Variants in CCDC82 observed in about 807,000 individuals in gnomAD.
The protein encoded by CCDC82 is coiled-coil domain-containing protein 82.
CCDC82 carries 47 observed loss-of-function variants against 60.6 expected under a neutral mutation model. The observed-to-expected ratio is 0.77, with a 90% CI of 0.61 to 0.99. The LOEUF (loss-of-function observed/expected upper bound fraction) is 0.99. Ranked by LOEUF, CCDC82 falls within the 50% of genes least tolerant of loss-of-function variation. CCDC82 has a pLI of 0.00. For synonymous variants in CCDC82, 212 were observed against 207.4 expected (o/e 1.02, Z -0.19); for missense variants, 588 against 633.0 (o/e 0.93, Z 0.76).
chr11:96,356,580 G>A, intron 9 of CCDC82: 1 of 984,676 alleles, frequency 1.0e-6, no homozygotes, highest in South Asian at 4.7e-5. Flanking sequence ...ATATTCGTTA[G>A]AATTTTGCCA....
intron 7 of CCDC82, among the ~76,000 whole-genome samples, chr11:96,368,009 C>A (rs1368646004): frequency 6.6e-6 from 1 of 151,754 alleles, no homozygotes; most frequent in Non-Finnish European, 1.5e-5. Flanking sequence ...TTAGTAGATA[C>A]GGGGTTTCAC....
chr11:96,389,552 TG>T (rs1245498721), intron 1 of CCDC82: 2 of 151,054 alleles, frequency 1.3e-5, no homozygotes, highest in African/African-American at 4.9e-5. Context: ...TACAAGGGTC[TG>T]GAAAGGCCAG....
chr11:96,383,343 T>A lies in CCDC82; in HGVS notation c.917A>T (p.Asp306Val). ...DDFVVQDEEG[D>V]EENKNQQGEK... ...TCCTTGTTGGTTTTTATTCTCTTCA[T>A]CACCCTCCTCATCTTGCACTACAAA... Residue 306 changes from aspartate (D) to valine (V), a missense_variant, in exon 5 of 10, where the codon GAT becomes GTT. Transcript: ENST00000646818. 6.2e-7 allele frequency: 1 copy of A among 1,607,158 alleles called. No individual in the cohort carries two copies. The highest frequency in any genetic ancestry group is 8.5e-7 in the Non-Finnish European group (1 of 1,175,534).
chr11:96,376,671 G>A (rs113893380), intron 5 of CCDC82, among the ~76,000 whole-genome samples: 3,489 of 151,952 alleles, frequency 0.023, 129 homozygotes, highest in African/African-American at 0.08. Context: ...CAGGTGATCC[G>A]CCCTCCTCAG....
chr11:96,379,779 A>G (rs567836620), intron 5 of CCDC82, among the ~76,000 whole-genome samples: 1 of 151,932 alleles, frequency 6.6e-6, no homozygotes, highest in African/African-American at 2.4e-5. Flanking sequence ...TCTGATAACA[A>G]TCTTCAATAA....
chr11:96,373,525 C>G, intron 5 of CCDC82, 58 bp from the exon 6 acceptor site: 1 of 998,376 alleles, frequency 1.0e-6, no homozygotes. Flanking sequence ...TTCTTGAATA[C>G]AATAGGTTCC....
chr11:96,358,666 CAA>C (rs58477850), intron 9 of CCDC82: 62,871 of 1,054,208 alleles, frequency 0.06, no homozygotes, highest in Middle Eastern at 0.08. Context: ...TATACTCTGT[CAA>C]AAAAAAAAAA....
chr11:96,383,998 T>A lies in CCDC82; in HGVS notation c.750A>T (p.Arg250Ser). 2 of 1,613,186 alleles carry A rather than the reference T, an allele frequency of 1.2e-6. No individual in the cohort carries two copies. The highest frequency in any genetic ancestry group is 1.7e-6 in the Non-Finnish European group (2 of 1,179,534). The change falls in exon 4 of 10, where the codon AGA becomes AGT. Residue 250 changes from arginine to serine, a missense_variant. Coordinates refer to ENST00000646818, the MANE Select transcript of CCDC82 (RefSeq NM_024725.4). ...TACCACTACTGCGTCTCTGACGAGA[T>A]CTTTGTTTTGAGAGTTCTTTGAGCT... ...LQKLKELSKQ[R>S]SRQRRSSGRD...
At chr11:96,359,268 T>G (rs971514368) in intron 8 of CCDC82, 90 bp from the exon 9 acceptor site, 24 of 986,696 alleles carry the variant, frequency 2.4e-5, no homozygotes, top group Non-Finnish European at 3.3e-5. Context: ...TCAAAATGCA[T>G]TATTAACTTC....
At chr11:96,365,233 G>C in intron 7 of CCDC82, 83 bp from the exon 8 acceptor site, 1 of 906,900 alleles carries the variant, frequency 1.1e-6, no homozygotes. Context: ...AAACATCTTA[G>C]GGATTACAAT....
At chr11:96,371,658 A>T (rs1865283692) in intron 6 of CCDC82, among the ~76,000 whole-genome samples, 1 of 152,262 alleles carries the variant, frequency 6.6e-6, no homozygotes, top group Non-Finnish European at 1.5e-5. Context: ...AAAGCTTATC[A>T]AATTATCTTT....
rs145171089 is a variant in CCDC82, at chr11:96,384,477, G to C, written c.271C>G (p.Gln91Glu). 2.0e-4 allele frequency: 318 copies of C among 1,613,662 alleles called. 2 individuals are homozygous for C. In the African/African-American group the frequency reaches 3.9e-3, roughly 20 times the overall value. ...SERELNLSKI[Q>E]SEGNDSKCLI... is the part of the protein sequence containing the mutation. ...CACTTACTGTCATTTCCTTCACTTT[G>C]AATTTTACTTAAGTTGAGCTCTCTT... Residue 91 changes from glutamine to glutamate, a missense_variant, in exon 4 of 10, where the codon CAA (glutamine) becomes GAA (glutamate). Coordinates refer to ENST00000646818, the MANE Select transcript of CCDC82 (RefSeq NM_024725.4).
chr11:96,355,661 G>A (rs1006029061), intron 9 of CCDC82: 2 of 152,050 alleles, frequency 1.3e-5, no homozygotes, highest in Admixed American at 1.3e-4. Context: ...AGAGTATGCT[G>A]TTTCTGAGAT....
At chr11:96,388,819 T>C (rs568753066) in intron 1 of CCDC82, 111 of 152,334 alleles carry the variant, frequency 7.3e-4, no homozygotes, top group African/African-American at 2.6e-3. Context: ...ATCACTCCTC[T>C]TCGATGTTTT....
rs1864210420 is a variant in CCDC82, at chr11:96,353,838, T to C, written c.1567-124A>G. 7 of 624,888 alleles carry C rather than the reference T, an allele frequency of 1.1e-5. No individual in the cohort carries two copies. The South Asian group carries it at 1.3e-4, about 11-fold the overall frequency. 38.7% of individuals were successfully genotyped at this position (624,888 alleles called of 1,614,324 possible). ...TGGTAATCGTGAACAAAAATCTTTT[T>C]ATGATAAACAGGAACTTAATTTCAA... is the stretch of plus-strand genomic sequence containing the variant. On this transcript the variant is annotated intron_variant, in intron 9 of 9. Transcript: ENST00000646818.
chr11:96,358,965 T>A (rs772012618), intron 9 of CCDC82, 28 bp downstream of exon 9: 5 of 1,540,660 alleles, frequency 3.2e-6, no homozygotes, highest in Non-Finnish European at 3.5e-6. Context: ...AGAATCTACA[T>A]GATAAGATTC....
At chr11:96,363,754 C>A (rs1212562481) in intron 8 of CCDC82, 1 of 152,114 alleles carries the variant, frequency 6.6e-6, no homozygotes, top group Non-Finnish European at 1.5e-5. Flanking sequence ...TTCAGTGCAA[C>A]CTTGATAGCA....
At chr11:96,356,367 C>T in intron 9 of CCDC82, 1 of 755,406 alleles carries the variant, frequency 1.3e-6, no homozygotes, top group Non-Finnish European at 1.6e-6. Context: ...CAATATTTAT[C>T]AGTGCATTTA....
At chr11:96,356,668 T>A (rs1864365100) in intron 9 of CCDC82, 4 of 954,508 alleles carry the variant, frequency 4.2e-6, no homozygotes, top group Non-Finnish European at 5.0e-6. Context: ...TATTTTGGTT[T>A]TATTATAATT....
Sources: gnomAD v4.1 joint callset for allele counts (sites outside exome capture counted in the v4.1 genomes callset) on GRCh38, gnomAD v4.1.1 for gene constraint, MANE v1.5 for transcripts, NCBI Gene and HGNC (gene_info 2026-07-23, HGNC 2026-07-21) for gene names.